PRDM5: variants seen among roughly 807,000 people sequenced by gnomAD.
PRDM5 encodes the protein PR/SET domain 5, also known as PR domain zinc finger protein 5.
PRDM5 carries 56 observed loss-of-function variants against 81.2 expected under a neutral mutation model. That is an observed-to-expected ratio of 0.69 (90% confidence interval 0.56 to 0.86). PRDM5 has a LOEUF of 0.86. PRDM5 is among the 40% of genes least tolerant of loss of function. The pLI is 0.00. For synonymous variants in PRDM5, 267 were observed against 256.4 expected, an observed-to-expected ratio of 1.04 and a Z score of -0.39; for missense variants, 697 against 770.1, an observed-to-expected ratio of 0.91 and a Z score of 1.12.
intron 14 of PRDM5, among the ~76,000 whole-genome samples, chr4:120,719,266 T>C (rs1017785253): frequency 2.0e-5 from 3 of 152,236 alleles, no homozygotes; most frequent in Non-Finnish European, 4.4e-5. Flanking sequence ...AGAAACACTA[T>C]AGACAGTGCT....
At chr4:120,833,880 G>T (rs973524298) in intron 3 of PRDM5, among the ~76,000 whole-genome samples, 3 of 152,148 alleles carry the variant, frequency 2.0e-5, no homozygotes, top group Admixed American at 6.6e-5. Context: ...GTTTCACGAT[G>T]ATGTTTGAAA....
chr4:120,791,268 A>G (rs1218433976), intron 10 of PRDM5, among the ~76,000 whole-genome samples: 1 of 152,340 alleles, frequency 6.6e-6, no homozygotes, highest in East Asian at 1.9e-4. Flanking sequence ...TCAAAATAGC[A>G]GTGGTTACAA....
At chr4:120,710,061 A>G (rs1428320503) in intron 15 of PRDM5, among the ~76,000 whole-genome samples, 5 of 152,202 alleles carry the variant, frequency 3.3e-5, no homozygotes, top group Non-Finnish European at 7.3e-5. Context: ...AACAGGGTAC[A>G]AGCATGTCTA....
At chr4:120,889,581 T>C (rs1004897739) in intron 2 of PRDM5, among the ~76,000 whole-genome samples, 1 of 152,324 alleles carries the variant, frequency 6.6e-6, no homozygotes, top group Middle Eastern at 3.4e-3. Flanking sequence ...GCATCTTTTT[T>C]TAAGTTTTAT....
intron 1 of PRDM5, 23 bp downstream of exon 1, chr4:120,922,493 C>T (rs1236822004): frequency 6.3e-7 from 1 of 1,581,744 alleles, no homozygotes; most frequent in Non-Finnish European, 8.6e-7. Context: ...CAGGGGCGCG[C>T]AGGCCGCCGC....
At chr4:120,808,550 C>T (rs2149316053) in intron 8 of PRDM5, among the ~76,000 whole-genome samples, 1 of 152,294 alleles carries the variant, frequency 6.6e-6, no homozygotes, top group African/African-American at 2.4e-5. Context: ...TGGCTTCACC[C>T]AGTGGATCCT....
intron 3 of PRDM5, chr4:120,839,231 C>T: frequency 5.7e-6 from 4 of 703,062 alleles, no homozygotes; most frequent in Middle Eastern, 2.3e-4. Context: ...GTCTGTGTTA[C>T]AGCTCTTTTA....
intron 1 of PRDM5, among the ~76,000 whole-genome samples, chr4:120,921,574 C>T (rs72680495): frequency 0.1 from 15,158 of 152,146 alleles, 940 homozygotes; most frequent in South Asian, 0.2. Flanking sequence ...TCCTCTGAAC[C>T]TCTTGTTAAC....
chr4:120,803,000 G>A (rs2102551), intron 8 of PRDM5, among the ~76,000 whole-genome samples: 117,384 of 152,052 alleles, frequency 0.77, 45,560 homozygotes, highest in East Asian at 0.87. Flanking sequence ...AGCAGTGTAG[G>A]GAAGTCCTTA....
At chr4:120,847,519 C>A (rs892598937) in intron 3 of PRDM5, among the ~76,000 whole-genome samples, 1 of 152,116 alleles carries the variant, frequency 6.6e-6, no homozygotes, top group Admixed American at 6.6e-5. Flanking sequence ...TCAAGTTTTC[C>A]CTGGCTGACC....
chr4:120,843,690 A>G (rs912455426), intron 3 of PRDM5, among the ~76,000 whole-genome samples: 12 of 150,708 alleles, frequency 8.0e-5, no homozygotes, highest in Non-Finnish European at 1.2e-4. Flanking sequence ...GGCCTTAAAA[A>G]AAAAAAAAAA....
intron 2 of PRDM5, among the ~76,000 whole-genome samples, chr4:120,869,632 G>A (rs895208566): frequency 6.6e-6 from 1 of 151,810 alleles, no homozygotes; most frequent in Admixed American, 6.6e-5. Context: ...ACATAAAACT[G>A]TAAACTACCA....
At chr4:120,770,870 G>C (rs2149208572) in intron 13 of PRDM5, among the ~76,000 whole-genome samples, 1 of 151,730 alleles carries the variant, frequency 6.6e-6, no homozygotes, top group Admixed American at 6.6e-5. Flanking sequence ...ATAAAAATTA[G>C]AAAACAGAAA....
intron 3 of PRDM5, chr4:120,837,706 G>C (rs1757520804): frequency 6.6e-6 from 1 of 152,188 alleles, no homozygotes; most frequent in Non-Finnish European, 1.5e-5. Context: ...AATTAATTAA[G>C]TCACTGAGGG....
chr4:120,698,662 A>G (rs1442598075), intron 15 of PRDM5, among the ~76,000 whole-genome samples: 1 of 152,122 alleles, frequency 6.6e-6, no homozygotes, highest in African/African-American at 2.4e-5. Context: ...CTAAAACTGA[A>G]CTCAGAATTC....
chr4:120,849,614 C>T (rs1759039201), intron 3 of PRDM5, among the ~76,000 whole-genome samples: 1 of 151,988 alleles, frequency 6.6e-6, no homozygotes, highest in African/African-American at 2.4e-5. Context: ...AAAATATGGG[C>T]TTAAGAATAT....
At chr4:120,700,899 C>T (rs751929625) in intron 15 of PRDM5, among the ~76,000 whole-genome samples, 6 of 152,084 alleles carry the variant, frequency 3.9e-5, no homozygotes, top group South Asian at 2.1e-4. Flanking sequence ...CCAAGGTGGG[C>T]GGATCACCTG....
At chr4:120,712,656 T>C (rs1737181640) in intron 14 of PRDM5, among the ~76,000 whole-genome samples, 1 of 152,226 alleles carries the variant, frequency 6.6e-6, no homozygotes, top group Non-Finnish European at 1.5e-5. Flanking sequence ...TTTGAAAGTA[T>C]GTAAATACTA....
intron 14 of PRDM5, among the ~76,000 whole-genome samples, chr4:120,728,329 G>A (rs984568516): frequency 1.3e-5 from 2 of 152,036 alleles, no homozygotes; most frequent in African/African-American, 4.8e-5. Context: ...ATAGCATTTG[G>A]TGATGAAAAT....
Sources: allele counts gnomAD v4.1 joint callset (sites outside exome capture counted in the v4.1 genomes callset), GRCh38; gene constraint gnomAD v4.1.1; transcripts MANE v1.5; gene names NCBI Gene and HGNC (gene_info 2026-07-23, HGNC 2026-07-21).